The following PDE4D variants were observed in gnomAD, a reference collection of about 807,000 sequenced individuals.
The protein encoded by PDE4D is phosphodiesterase 4D, also known as 3',5'-cyclic-AMP phosphodiesterase 4D.
PDE4D carries 24 observed loss-of-function variants against 87.4 expected under a neutral mutation model. The ratio of observed to expected loss-of-function variants is 0.27; its 90% confidence interval spans 0.20 to 0.39. PDE4D has a LOEUF of 0.39. Among genes scored for constraint, PDE4D ranks in the 10% least tolerant of loss-of-function variants. The pLI is 1.00. For synonymous variants in PDE4D, 384 were observed against 383.2 expected (o/e 1.00, Z -0.02); for missense variants, 714 against 1,041.0 (o/e 0.69, Z 4.32).
At chr5:60,299,303 G>A (rs1358747639) in intron 1 of PDE4D, among the ~76,000 whole-genome samples, 1 of 152,172 alleles carries the variant, frequency 6.6e-6, no homozygotes, top group Non-Finnish European at 1.5e-5. Context: ...ACCGTAAAGG[G>A]AATTTAGTTA....
chr5:59,307,808 C>T (rs1771708085), intron 1 of PDE4D, among the ~76,000 whole-genome samples: 1 of 152,078 alleles, frequency 6.6e-6, no homozygotes, highest in South Asian at 2.1e-4. Context: ...TGTGGCGATT[C>T]CTCAGGGATC....
At chr5:59,351,953 G>C (rs1229451913) in intron 1 of PDE4D, among the ~76,000 whole-genome samples, 1 of 152,118 alleles carries the variant, frequency 6.6e-6, no homozygotes, top group Non-Finnish European at 1.5e-5. Flanking sequence ...GATCTGGTGA[G>C]GAAGCTGGAG....
At chr5:59,659,207 C>T (rs1744851043) in intron 1 of PDE4D, among the ~76,000 whole-genome samples, 1 of 152,170 alleles carries the variant, frequency 6.6e-6, no homozygotes, top group Admixed American at 6.5e-5. Flanking sequence ...GAATGAATCA[C>T]TTGGGTGGGT....
chr5:59,619,802 A>T (rs774215482), intron 1 of PDE4D, among the ~76,000 whole-genome samples: 1 of 151,596 alleles, frequency 6.6e-6, no homozygotes, highest in African/African-American at 2.4e-5. Flanking sequence ...TGGATTTAGC[A>T]CTAAAAATGT....
chr5:59,668,166 G>C (rs937069401), intron 1 of PDE4D, among the ~76,000 whole-genome samples: 45 of 152,160 alleles, frequency 3.0e-4, no homozygotes, highest in Admixed American at 3.9e-4. Context: ...CTGTAATTGG[G>C]AGTAAAGGGA....
intron 1 of PDE4D, among the ~76,000 whole-genome samples, chr5:59,415,661 T>C (rs982590473): frequency 6.6e-6 from 1 of 152,164 alleles, no homozygotes; most frequent in African/African-American, 2.4e-5. Context: ...TTGAGGACAA[T>C]TGGGCATCCA....
At chr5:59,126,300 G>C (rs571461901) in intron 5 of PDE4D, among the ~76,000 whole-genome samples, 1 of 152,234 alleles carries the variant, frequency 6.6e-6, no homozygotes, top group South Asian at 2.1e-4. Flanking sequence ...CCTTTCAGAG[G>C]ATAACCCAAA....
chr5:59,364,159 A>G (rs745451813), intron 1 of PDE4D, among the ~76,000 whole-genome samples: 2 of 152,234 alleles, frequency 1.3e-5, no homozygotes, highest in Non-Finnish European at 2.9e-5. Context: ...ATCTCTCAGA[A>G]CCAGCTAAGA....
At chr5:60,344,578 A>G (rs2149906371) in intron 1 of PDE4D, among the ~76,000 whole-genome samples, 1 of 152,280 alleles carries the variant, frequency 6.6e-6, no homozygotes, top group East Asian at 1.9e-4. Context: ...ATTTTATCCT[A>G]TAACCTATGC....
chr5:59,261,499 T>C lies in PDE4D; in HGVS notation c.456-45531A>G, dbSNP rs539517724. On this transcript the variant is annotated intron_variant, in intron 1 of 14. Transcript: ENST00000340635. ...TAGAGCCTCAAGCATTCAAAAAATA[T>C]TTTAACTAGGGCCTATAAAAATAAA... 3.9e-5 allele frequency among the ~76,000 whole-genome samples: 6 copies of C among 151,968 alleles called. No homozygotes were observed. The East Asian group carries it at 1.2e-3, about 29-fold the overall frequency.
At chr5:60,442,634 G>T (rs186713976) in intron 1 of PDE4D, among the ~76,000 whole-genome samples, 6 of 151,996 alleles carry the variant, frequency 3.9e-5, no homozygotes, top group African/African-American at 1.4e-4. Context: ...CAAAAGTAAG[G>T]GTTTAGATAA....
chr5:59,997,746 T>G (rs1161241918), intron 2 of PDE4D, among the ~76,000 whole-genome samples: 2 of 152,198 alleles, frequency 1.3e-5, no homozygotes, highest in African/African-American at 4.8e-5. Flanking sequence ...TAGCTACTGG[T>G]AAAGCATAGG....
chr5:60,490,648 T>C (rs1231774223), upstream of PDE4D: 1 of 152,176 alleles, frequency 6.6e-6, no homozygotes, highest in African/African-American at 2.4e-5. Flanking sequence ...TCAGGCCCTA[T>C]CTAAGAAGCT....
At chr5:59,029,749 G>C (rs1181338944) in intron 6 of PDE4D, among the ~76,000 whole-genome samples, 2 of 151,012 alleles carry the variant, frequency 1.3e-5, no homozygotes, top group African/African-American at 2.4e-5. Flanking sequence ...TGAACAAAAA[G>C]AACAAAGCTG....
intron 1 of PDE4D, among the ~76,000 whole-genome samples, chr5:59,400,117 A>G (rs2153613519): frequency 9.1e-6 from 1 of 109,340 alleles, no homozygotes; most frequent in African/African-American, 3.9e-5. Flanking sequence ...AAATAGGAAC[A>G]CTTTTACACT....
At chr5:60,311,965 G>A (rs1243118061) in intron 1 of PDE4D, among the ~76,000 whole-genome samples, 3 of 152,288 alleles carry the variant, frequency 2.0e-5, no homozygotes, top group East Asian at 3.9e-4. Flanking sequence ...TTACATAATG[G>A]TAAAGGGTTC....
intron 1 of PDE4D, among the ~76,000 whole-genome samples, chr5:59,319,181 T>TGC (rs1355138834): frequency 2.6e-5 from 4 of 151,812 alleles, no homozygotes; most frequent in Non-Finnish European, 4.4e-5. Context: ...TGTGTGTGTG[T>TGC]GTGTGTGTGT....
chr5:59,423,578 G>T (rs1223354870), intron 1 of PDE4D, among the ~76,000 whole-genome samples: 1 of 152,134 alleles, frequency 6.6e-6, no homozygotes, highest in East Asian at 1.9e-4. Flanking sequence ...AAGAAAAACA[G>T]CTAGTTAAGG....
intron 1 of PDE4D, among the ~76,000 whole-genome samples, chr5:59,364,872 C>T (rs1002348295): frequency 1.3e-5 from 2 of 148,252 alleles, no homozygotes; most frequent in Non-Finnish European, 1.5e-5. Flanking sequence ...TACCTACCTT[C>T]CTTCCTTCCT....
Sources: allele counts gnomAD v4.1 joint callset (sites outside exome capture counted in the v4.1 genomes callset), GRCh38; gene constraint gnomAD v4.1.1; transcripts MANE v1.5; gene names NCBI Gene and HGNC (gene_info 2026-07-23, HGNC 2026-07-21).